MRAP2: variants seen among roughly 807,000 people sequenced by gnomAD.
The protein encoded by MRAP2 is melanocortin-2 receptor accessory protein 2.
MRAP2 carries 20 observed loss-of-function variants against 17.4 expected under a neutral mutation model. That is an observed-to-expected ratio of 1.15 (90% CI 0.81 to 1.67). The LOEUF (loss-of-function observed/expected upper bound fraction) is 1.67, where lower values mean the gene tolerates loss of function less well. Among genes scored for constraint, MRAP2 ranks in the 40% most tolerant of loss-of-function variants. The probability of loss-of-function intolerance (pLI) is 0.00; values close to 1 mark genes in which losing one functional copy is unlikely to be tolerated. For missense variants in MRAP2, 238 were observed against 240.0 expected (o/e 0.99, Z 0.05); for synonymous variants, 96 against 88.4 (o/e 1.09, Z -0.48).
At chr6:84,038,900 G>T (rs79740351) in intron 1 of MRAP2, among the ~76,000 whole-genome samples, 1 of 152,188 alleles carries the variant, frequency 6.6e-6, no homozygotes, top group Non-Finnish European at 1.5e-5. Context: ...ATTTTGAGGC[G>T]CAATAGAAAA....
At chr6:84,063,278 T>C in intron 3 of MRAP2, 1 of 985,316 alleles carries the variant, frequency 1.0e-6, no homozygotes. Flanking sequence ...TTGAAATGTT[T>C]ATTAATTACA....
chr6:84,034,157 C>A (rs114710157), intron 1 of MRAP2, among the ~76,000 whole-genome samples: 1 of 152,092 alleles, frequency 6.6e-6, no homozygotes, highest in Non-Finnish European at 1.5e-5. Flanking sequence ...AGCCTGGAAG[C>A]GGCGGCGCTC....
chr6:84,055,300 C>G lies in MRAP2; in HGVS notation c.-7-12C>G. The G allele has an allele frequency of 6.2e-7, 1 of 1,601,540 alleles. No homozygotes were observed. The highest frequency in any genetic ancestry group is 8.5e-7 in the Non-Finnish European group (1 of 1,177,132). On this transcript the variant is annotated splice_polypyrimidine_tract_variant and intron_variant, in intron 1 of 3. Coordinates refer to ENST00000257776, the MANE Select transcript of MRAP2 (RefSeq NM_138409.4). The stretch of plus-strand genomic sequence containing the variant: ...TAACAGGTTCTGCGCTTGACTTTCT[C>G]CATTTGTGCAGGTCGGAGATGTCCG...
At chr6:84,100,644 G>A in the MRAP2 span, among the ~76,000 whole-genome samples, 2 of 152,098 alleles carry the variant, frequency 1.3e-5, no homozygotes, top group Non-Finnish European at 2.9e-5. Context: ...CAACTTGAAA[G>A]CTATATTTTT....
At position 84,074,154 on chromosome 6, in the gene MRAP2, C is replaced by G. The variant is rs1366196079; in HGVS notation, c.227+11162C>G. On this transcript the variant is annotated intron_variant, in intron 3 of 3. Coordinates refer to ENST00000257776, the MANE Select transcript of MRAP2 (RefSeq NM_138409.4). ...AAAGGAACCCATTCCCCATGGGATA[C>G]CCAGACCCTAAGCGTTATATCTACA... is the stretch of plus-strand genomic sequence containing the variant. Among the ~76,000 whole-genome samples the G allele has an allele frequency of 2.0e-5, 3 of 151,940 alleles. No individual in the cohort carries two copies. In the East Asian group the frequency reaches 5.8e-4, roughly 29 times the overall value.
the MRAP2 span, among the ~76,000 whole-genome samples, chr6:84,110,496 GGATAGATTGCAAAGATTTTCTAC>G: frequency 9.9e-5 from 15 of 152,066 alleles, no homozygotes; most frequent in South Asian, 6.2e-4. Context: ...TTTTCCAGAT[GGATAGATTGCAAAGATTTTCTAC>G]GATAGATTGC....
At chr6:84,124,679 AT>A in the MRAP2 span, 1 of 247,004 alleles carries the variant, frequency 4.0e-6, no homozygotes, top group Non-Finnish European at 7.7e-6. Context: ...TCCCACCATT[AT>A]TCAATACACC....
the MRAP2 span, among the ~76,000 whole-genome samples, chr6:84,107,489 T>C: frequency 6.6e-6 from 1 of 152,200 alleles, no homozygotes; most frequent in South Asian, 2.1e-4. Flanking sequence ...TTCTTCTTCA[T>C]TGGATCCAAT....
chr6:84,115,231 C>A, the MRAP2 span, among the ~76,000 whole-genome samples: 2 of 152,192 alleles, frequency 1.3e-5, no homozygotes. Flanking sequence ...ATCTATAAGC[C>A]CCTGACTGGG....
chr6:84,078,300 A>G (rs2099498110), intron 3 of MRAP2, among the ~76,000 whole-genome samples: 1 of 152,240 alleles, frequency 6.6e-6, no homozygotes, highest in Non-Finnish European at 1.5e-5. Context: ...AACAAAAACC[A>G]AATAACTCAG....
At chr6:84,060,852 AT>A (rs771171189) in intron 2 of MRAP2, among the ~76,000 whole-genome samples, 18,146 of 119,468 alleles carry the variant, frequency 0.15, 1,059 homozygotes, top group Middle Eastern at 0.25. Context: ...CACCCGGCTA[AT>A]TTTTTTTTTT....
At chr6:84,102,293 C>T in the MRAP2 span, among the ~76,000 whole-genome samples, 1 of 152,156 alleles carries the variant, frequency 6.6e-6, no homozygotes, top group East Asian at 1.9e-4. Flanking sequence ...GATTAAGGAC[C>T]TTGAGATGAG....
At chr6:84,047,647 T>C (rs2099489389) in intron 1 of MRAP2, among the ~76,000 whole-genome samples, 2 of 152,234 alleles carry the variant, frequency 1.3e-5, no homozygotes, top group Admixed American at 6.5e-5. Context: ...TCCAGAACTT[T>C]TTCATTATCT....
chr6:84,062,248 C>A, intron 2 of MRAP2: 2 of 336,034 alleles, frequency 6.0e-6, no homozygotes, highest in Non-Finnish European at 8.5e-6. Flanking sequence ...ATAGCTCAGT[C>A]TCAGCTAATC....
At position 84,089,158 on chromosome 6, in the gene MRAP2, G is replaced by A. The variant is rs767073139; in HGVS notation, c.295G>A (p.Glu99Lys). ...TGTGTCAGACTTTGGAAGACCTCTG[G>A]AGCCAGATAAAGTATTTTCTCGCCA... is the stretch of plus-strand genomic sequence containing the variant. ...SFVSDFGRPL[E>K]PDKVFSRQGN... The change falls in exon 4 of 4, where the codon GAG becomes AAG. Residue 99 changes from glutamate to lysine, a missense_variant. Glu to Lys is a moderately conservative substitution (Grantham distance 56). Transcript: ENST00000257776. 4.3e-6 allele frequency: 7 copies of A among 1,614,048 alleles called. No homozygotes were observed. The highest frequency in any genetic ancestry group is 5.9e-6 in the Non-Finnish European group (7 of 1,180,044).
At chr6:84,107,823 G>T in the MRAP2 span, among the ~76,000 whole-genome samples, 2 of 152,238 alleles carry the variant, frequency 1.3e-5, no homozygotes, top group East Asian at 3.9e-4. Context: ...GCTCCCAAGA[G>T]ATGTGTTAAT....
At chr6:84,093,326 C>G (rs756864519), downstream of MRAP2, among the ~76,000 whole-genome samples, 1 of 152,052 alleles carries the variant, frequency 6.6e-6, no homozygotes, top group Admixed American at 6.5e-5. Context: ...CTTGACTCAC[C>G]GAGGCACCAG....
chr6:84,078,436 C>T (rs1206634278), intron 3 of MRAP2, among the ~76,000 whole-genome samples: 2 of 152,176 alleles, frequency 1.3e-5, no homozygotes, highest in African/African-American at 4.8e-5. Flanking sequence ...AGTGAAATGT[C>T]ATTTCACTCC....
At chr6:84,100,100 T>C in the MRAP2 span, among the ~76,000 whole-genome samples, 5 of 152,146 alleles carry the variant, frequency 3.3e-5, no homozygotes, top group Non-Finnish European at 5.9e-5. Context: ...CCCCAAGTGA[T>C]CCACTTGCCT....
Sources: allele counts gnomAD v4.1 joint callset (sites outside exome capture counted in the v4.1 genomes callset), GRCh38; gene constraint gnomAD v4.1.1; transcripts MANE v1.5; gene names NCBI Gene and HGNC (gene_info 2026-07-23, HGNC 2026-07-21).